The following PPP1R21 variants were observed in gnomAD, a reference collection of about 807,000 sequenced individuals.
PPP1R21 encodes the protein protein phosphatase 1 regulatory subunit 21.
A neutral mutation model predicts 112.8 loss-of-function variants in PPP1R21; 85 were observed. That is an observed-to-expected ratio of 0.75 (90% CI 0.63 to 0.90). The LOEUF (loss-of-function observed/expected upper bound fraction) is 0.90, where lower values mean the gene tolerates loss of function less well. PPP1R21 is among the 40% of genes least tolerant of loss of function. The pLI, the probability that PPP1R21 is intolerant of heterozygous loss-of-function variation, is 0.00. For synonymous variants in PPP1R21, 381 were observed against 322.3 expected (o/e 1.18, Z -1.95); for missense variants, 1,199 against 901.5 (o/e 1.33, Z -4.23).
At chr2:48,444,707 C>G (rs988220774) in intron 1 of PPP1R21, among the ~76,000 whole-genome samples, 2 of 152,154 alleles carry the variant, frequency 1.3e-5, no homozygotes, top group Non-Finnish European at 2.9e-5. Flanking sequence ...CACCCTGCAC[C>G]TATTGAATCT....
intron 2 of PPP1R21, among the ~76,000 whole-genome samples, chr2:48,453,362 C>T (rs1324635451): frequency 2.6e-5 from 4 of 151,896 alleles, no homozygotes; most frequent in Non-Finnish European, 5.9e-5. Context: ...TTTTTATTTT[C>T]TATTTTTTTA....
intron 17 of PPP1R21, among the ~76,000 whole-genome samples, chr2:48,504,706 A>G (rs1482479041): frequency 3.3e-5 from 5 of 152,208 alleles, no homozygotes; most frequent in Admixed American, 1.3e-4. Context: ...ATCCATTGAC[A>G]CTGAGTTTCC....
chr2:48,471,265 T>C lies in PPP1R21; in HGVS notation c.1000-14T>C. ...AGTAGCACTTTTAACCTTGAAATTA[T>C]TTTTCTTTTCCAGGAGACAACTGTG... On this transcript the variant is annotated splice_polypyrimidine_tract_variant and intron_variant, in intron 10 of 21. Coordinates refer to ENST00000294952, the MANE Select transcript of PPP1R21 (RefSeq NM_001135629.3). 1.2e-6 allele frequency: 2 copies of C among 1,609,208 alleles called. No homozygotes were observed. The highest frequency in any genetic ancestry group is 1.7e-6 in the Non-Finnish European group (2 of 1,177,870).
chr2:48,507,274 A>T lies in PPP1R21; in HGVS notation c.1974A>T (p.Pro658=). The change falls in exon 19 of 22, where the codon CCA becomes CCT. Residue 658 remains proline, a synonymous_variant. Coordinates refer to ENST00000294952, the MANE Select transcript of PPP1R21 (RefSeq NM_001135629.3). ...TLTRTSDSEV[P]DVESREDLIK... is the part of the protein sequence containing the mutation. Reference sequence around the variant, plus strand: ...TGTATTTGTGTTCTATTTAGGTTCCAGATGTGGAATCTCGTGAAGACTTAA... The same window carrying T: ...TGTATTTGTGTTCTATTTAGGTTCCTGATGTGGAATCTCGTGAAGACTTAA... 1 of 1,547,108 alleles carries T rather than the reference A, an allele frequency of 6.5e-7. No homozygotes were observed. Among genetic ancestry groups the T allele is most frequent in the Non-Finnish European group, 8.7e-7 (1 of 1,155,790 alleles).
chr2:48,480,077 A>C (rs1668942334), intron 13 of PPP1R21, 61 bp downstream of exon 13: 5 of 1,118,892 alleles, frequency 4.5e-6, no homozygotes, highest in Non-Finnish European at 6.9e-6. Flanking sequence ...GATCTGCCTG[A>C]ATAAGATTTA....
At chr2:48,510,640 AG>A in intron 20 of PPP1R21, among the ~76,000 whole-genome samples, 1 of 152,352 alleles carries the variant, frequency 6.6e-6, no homozygotes, top group East Asian at 1.9e-4. Context: ...CAGATTAATT[AG>A]GCACACAGGA....
chr2:48,447,624 T>C (rs1237312586), intron 1 of PPP1R21, among the ~76,000 whole-genome samples: 1 of 152,106 alleles, frequency 6.6e-6, no homozygotes, highest in Non-Finnish European at 1.5e-5. Context: ...CCCTCTGTGG[T>C]GAATACTGGT....
chr2:48,455,220 C>T (rs577645785), intron 3 of PPP1R21, among the ~76,000 whole-genome samples: 28 of 145,306 alleles, frequency 1.9e-4, no homozygotes, highest in African/African-American at 6.4e-4. Context: ...GATCTTAGCT[C>T]ACCACAACCT....
intron 17 of PPP1R21, among the ~76,000 whole-genome samples, chr2:48,502,765 C>T (rs1670180698): frequency 6.7e-6 from 1 of 148,246 alleles, no homozygotes; most frequent in Non-Finnish European, 1.5e-5. Flanking sequence ...ACTGCAAGCT[C>T]CGCTTCCCGG....
In PPP1R21 at chr2:48,465,701, G is replaced by C. The variant is rs1668171415; in HGVS notation, c.897+59G>C. On this transcript the variant is annotated intron_variant, in intron 9 of 21. Coordinates refer to ENST00000294952, the MANE Select transcript of PPP1R21 (RefSeq NM_001135629.3). Reference sequence around the variant, plus strand: ...TGAACAAAATAGGGAGATATTGTTTGTTTTTAGACCTCTTCTGTGCACCAT... The same window carrying C: ...TGAACAAAATAGGGAGATATTGTTTCTTTTTAGACCTCTTCTGTGCACCAT... The C allele has an allele frequency of 2.3e-5, 34 of 1,505,526 alleles. No individual in the cohort carries two copies. In the South Asian group the frequency reaches 3.9e-4, roughly 17 times the overall value. The allele number at this position is 1,505,526 out of a possible 1,614,324, so 93.3% of individuals were successfully genotyped here. A position where few individuals can be genotyped will look rare whatever the true frequency, so the allele number is the denominator to read the frequency against.
In PPP1R21 at chr2:48,498,692, C is replaced by G. The variant is rs773578935; in HGVS notation, c.1892C>G (p.Ala631Gly). 5.0e-6 allele frequency: 8 copies of G among 1,614,126 alleles called. No homozygotes were observed. Among genetic ancestry groups the G allele is most frequent in the Non-Finnish European group, 5.9e-6 (7 of 1,179,984 alleles). The part of the protein sequence containing the change: ...AVSNTAGQDE[A>G]TAKAVLEPIQ... The stretch of plus-strand genomic sequence containing the variant: ...TCAAATACTGCTGGCCAGGATGAAG[C>G]CACAGCTAAGGCTGTGTTGGAGCCC... Residue 631 changes from alanine to glycine, a missense_variant, in exon 17 of 22, where the codon GCC (alanine) becomes GGC (glycine). Transcript: ENST00000294952.
intron 15 of PPP1R21, among the ~76,000 whole-genome samples, chr2:48,491,749 A>G (rs1272639371): frequency 6.6e-6 from 1 of 152,190 alleles, no homozygotes; most frequent in African/African-American, 2.4e-5. Flanking sequence ...GTACTGTTTT[A>G]GAATATTTTT....
intron 12 of PPP1R21, among the ~76,000 whole-genome samples, chr2:48,475,832 A>G (rs913515234): frequency 6.6e-6 from 1 of 152,064 alleles, no homozygotes; most frequent in Non-Finnish European, 1.5e-5. Context: ...GGGCAGCAAT[A>G]GCGAAACTGT....
At chr2:48,507,456 T>C in intron 19 of PPP1R21, 71 bp downstream of exon 19, 1 of 1,551,534 alleles carries the variant, frequency 6.4e-7, no homozygotes, top group East Asian at 2.4e-5. Context: ...CTGTCCTGTT[T>C]TCATGCTGTT....
intron 7 of PPP1R21, 87 bp downstream of exon 7, chr2:48,461,319 G>T: frequency 2.9e-6 from 4 of 1,365,544 alleles, no homozygotes; most frequent in Non-Finnish European, 3.8e-6. Context: ...TAATCTTTTG[G>T]GCAAAAAATT....
rs1354226780 is a variant in PPP1R21 at position 48,474,795 on chromosome 2, T to TA, written c.1202dup (p.Tyr401Ter). 1 of 1,613,404 alleles carries TA rather than the reference T, an allele frequency of 6.2e-7. No homozygotes were observed. The highest frequency in any genetic ancestry group is 8.5e-7 in the Non-Finnish European group (1 of 1,179,734). The part of the protein sequence containing the change: ...MTAVFEKLQT[Y>*]IALLALPSTE... ...AGCTGTGTTTGAGAAGCTGCAGACT[T>TA]ACATAGCTCTTCTTGCCTTGCCAAG... The change falls in exon 12 of 22, where the codon TAC (tyrosine) becomes TAAC (stop). Residue 401 changes from tyrosine to a stop codon, truncating the protein, a stop_gained and frameshift_variant. Transcript: ENST00000294952. LOFTEE classifies it high-confidence loss of function.
At chr2:48,478,439 G>T (rs1057087081) in intron 12 of PPP1R21, among the ~76,000 whole-genome samples, 3 of 152,148 alleles carry the variant, frequency 2.0e-5, no homozygotes, top group African/African-American at 7.2e-5. Flanking sequence ...TCAGCCTTGG[G>T]CATGCATACA....
At chr2:48,461,762 C>T (rs1353597575) in intron 7 of PPP1R21, among the ~76,000 whole-genome samples, 1 of 152,114 alleles carries the variant, frequency 6.6e-6, no homozygotes, top group African/African-American at 2.4e-5. Flanking sequence ...GCCAAATTTG[C>T]AACCTTTAGG....
intron 20 of PPP1R21, among the ~76,000 whole-genome samples, chr2:48,510,732 G>A (rs1340236591): frequency 1.3e-5 from 2 of 152,218 alleles, no homozygotes; most frequent in Non-Finnish European, 2.9e-5. Flanking sequence ...GTGCTGCCGG[G>A]AGGGCTGTAG....
Sources: allele counts gnomAD v4.1 joint callset (sites outside exome capture counted in the v4.1 genomes callset), GRCh38; gene constraint gnomAD v4.1.1; transcripts MANE v1.5; gene names NCBI Gene and HGNC (gene_info 2026-07-23, HGNC 2026-07-21).